RGS7: variants seen among roughly 807,000 people sequenced by gnomAD.
RGS7 encodes regulator of G-protein signaling 7.
In RGS7, 27 loss-of-function variants were observed where a neutral mutation model predicts 81.1. That is an observed-to-expected ratio of 0.33 (90% CI 0.25 to 0.46). RGS7 has a LOEUF of 0.46. Ranked by LOEUF, RGS7 falls within the 20% of genes least tolerant of loss-of-function variation. The pLI is 1.00. For missense variants in RGS7, 396 were observed against 607.4 expected (o/e 0.65, Z 3.66); for synonymous variants, 208 against 207.7 (o/e 1.00, Z -0.01).
At chr1:241,166,021 T>C (rs1043031729) in intron 2 of RGS7, among the ~76,000 whole-genome samples, 2 of 152,108 alleles carry the variant, frequency 1.3e-5, no homozygotes, top group African/African-American at 4.8e-5. Flanking sequence ...ATCTGCGTTG[T>C]AATAAGCCCT....
At chr1:240,829,133 T>C (rs956437839) in intron 9 of RGS7, among the ~76,000 whole-genome samples, 1 of 152,062 alleles carries the variant, frequency 6.6e-6, no homozygotes, top group Non-Finnish European at 1.5e-5. Context: ...AGGAAGTAAA[T>C]GAGGAAAACA....
At chr1:241,244,828 C>T (rs192161675) in intron 2 of RGS7, among the ~76,000 whole-genome samples, 1 of 152,026 alleles carries the variant, frequency 6.6e-6, no homozygotes, top group Admixed American at 6.5e-5. Context: ...AAGCTGGAAA[C>T]CATTATTCTC....
chr1:241,330,412 A>C (rs1383304922), intron 2 of RGS7, among the ~76,000 whole-genome samples: 1 of 152,254 alleles, frequency 6.6e-6, no homozygotes, highest in Non-Finnish European at 1.5e-5. Flanking sequence ...CATGTAATTA[A>C]GTAGATTTAT....
intron 2 of RGS7, among the ~76,000 whole-genome samples, chr1:241,112,493 A>G (rs1023829549): frequency 1.3e-5 from 2 of 152,238 alleles, no homozygotes; most frequent in African/African-American, 4.8e-5. Flanking sequence ...GCACTTTAAA[A>G]GGACAAAAGC....
intron 2 of RGS7, among the ~76,000 whole-genome samples, chr1:241,249,353 A>G: frequency 6.6e-6 from 1 of 150,940 alleles, no homozygotes; most frequent in Non-Finnish European, 1.5e-5. Flanking sequence ...TCCTTTCCCC[A>G]TTGAATTGTC....
At chr1:240,918,251 G>T (rs763443076) in intron 6 of RGS7, among the ~76,000 whole-genome samples, 18 of 152,078 alleles carry the variant, frequency 1.2e-4, no homozygotes, top group Non-Finnish European at 2.1e-4. Flanking sequence ...TCAATCAGCT[G>T]AATTTAATGG....
At position 240,813,733 on chromosome 1, in the gene RGS7, G is replaced by A; in HGVS notation, c.846-5C>T. On this transcript the variant is annotated splice_polypyrimidine_tract_variant and splice_region_variant and intron_variant, in intron 12 of 18. Transcript: ENST00000440928. The stretch of plus-strand genomic sequence containing the variant: ...TGTTCCGTGTAACTTAGTAGACTAA[G>A]GAGAAAAAACATTTCCAGTTTCTTT... 6.3e-7 allele frequency: 1 copy of A among 1,582,826 alleles called. No homozygotes were observed. The highest frequency in any genetic ancestry group is 8.7e-7 in the Non-Finnish European group (1 of 1,151,604).
chr1:241,085,510 C>T lies in RGS7; in HGVS notation c.175+13156G>A, dbSNP rs554957187. 9.2e-5 allele frequency among the ~76,000 whole-genome samples: 14 copies of T among 152,252 alleles called. 1 individual carries two copies. The South Asian group carries it at 2.5e-3, about 27-fold the overall frequency. On this transcript the variant is annotated intron_variant, in intron 3 of 18. Coordinates refer to ENST00000440928, the MANE Select transcript of RGS7 (RefSeq NM_001364886.1). The stretch of plus-strand genomic sequence containing the variant: ...CGTGATCTTGGCTCACTGCAACCTC[C>T]GCCTCCCAGGGTCAAGCAATTCTCC...
rs2068134104 is a variant in RGS7, at chr1:241,144,277, T to C, written c.79-45515A>G. Among the ~76,000 whole-genome samples, 1 of 152,160 alleles carries C rather than the reference T, an allele frequency of 6.6e-6. No homozygotes were observed. The highest frequency in any genetic ancestry group is 1.5e-5 in the Non-Finnish European group (1 of 68,038). ...TGCTGGCGCATATGTTGTTTATTTC[T>C]CTGCTGTTTATACCAAACTTTTCCT... On this transcript the variant is annotated intron_variant, in intron 2 of 18. Coordinates refer to ENST00000440928, the MANE Select transcript of RGS7 (RefSeq NM_001364886.1). This position sits in a 1 kb window ranked among gnomAD's most constrained non-coding sequence, Gnocchi z 4.7.
At chr1:241,082,339 G>A (rs940962995) in intron 3 of RGS7, among the ~76,000 whole-genome samples, 5 of 152,144 alleles carry the variant, frequency 3.3e-5, no homozygotes, top group African/African-American at 9.7e-5. Context: ...CACCACAAGC[G>A]ACAGCTATCT....
At chr1:241,334,321 C>T (rs1193715859) in intron 2 of RGS7, among the ~76,000 whole-genome samples, 1 of 152,124 alleles carries the variant, frequency 6.6e-6, no homozygotes, top group Non-Finnish European at 1.5e-5. Flanking sequence ...TAGCAAGATT[C>T]ATCCTCAGGC....
At chr1:241,268,121 T>C (rs2077685774) in intron 2 of RGS7, among the ~76,000 whole-genome samples, 1 of 152,188 alleles carries the variant, frequency 6.6e-6, no homozygotes, top group African/African-American at 2.4e-5. Flanking sequence ...GCTTTTTTAT[T>C]GGGACACACC....
chr1:240,892,567 T>A (rs1223648152), intron 6 of RGS7, among the ~76,000 whole-genome samples: 1 of 152,184 alleles, frequency 6.6e-6, no homozygotes, highest in Admixed American at 6.5e-5. Flanking sequence ...CTTACATATT[T>A]TAAGTTGGGC....
chr1:240,824,640 C>A (rs1048010420), intron 10 of RGS7, among the ~76,000 whole-genome samples: 4 of 152,188 alleles, frequency 2.6e-5, no homozygotes, highest in African/African-American at 9.7e-5. Flanking sequence ...AATGCAGTGG[C>A]AATCACAAGC....
At chr1:241,087,703 C>G (rs563348319) in intron 3 of RGS7, among the ~76,000 whole-genome samples, 23 of 152,074 alleles carry the variant, frequency 1.5e-4, no homozygotes, top group Non-Finnish European at 5.9e-5. Context: ...AACCCCAGCA[C>G]TTTGGGAGGC....
At chr1:240,816,667 G>T (rs1690854131) in intron 10 of RGS7, among the ~76,000 whole-genome samples, 2 of 152,190 alleles carry the variant, frequency 1.3e-5, no homozygotes, top group Admixed American at 1.3e-4. Context: ...AGAGCAAGGT[G>T]CATGTGATAA....
rs771910917 is a variant in RGS7 at position 240,868,886 on chromosome 1, G to A, written c.451-34C>T. ...CATACCCCAGGTGAAGACATTTGGT[G>A]TTCATTGTCACTGCTCTCTTCTAGC... On this transcript the variant is annotated intron_variant, in intron 7 of 18. Coordinates refer to ENST00000440928, the MANE Select transcript of RGS7 (RefSeq NM_001364886.1). The surrounding 1 kb of genome is among the most constrained non-coding windows in gnomAD (Gnocchi z 5.1). 2.5e-6 allele frequency: 4 copies of A among 1,587,278 alleles called. No homozygotes were observed. Among genetic ancestry groups the A allele is most frequent in the Non-Finnish European group, 2.6e-6 (3 of 1,155,662 alleles).
chr1:241,012,731 T>C (rs1572258174), intron 3 of RGS7, among the ~76,000 whole-genome samples: 2 of 152,274 alleles, frequency 1.3e-5, no homozygotes, highest in South Asian at 2.1e-4. Context: ...AAAATCTACA[T>C]TGGTGAAATA....
intron 2 of RGS7, among the ~76,000 whole-genome samples, chr1:241,222,051 G>A (rs2075049268): frequency 6.6e-6 from 1 of 152,134 alleles, no homozygotes; most frequent in African/African-American, 2.4e-5. Flanking sequence ...TAAGAATGAA[G>A]AAAGAATTTG....
Sources: gnomAD v4.1 joint callset for allele counts (sites outside exome capture counted in the v4.1 genomes callset) on GRCh38, gnomAD v4.1.1 for gene constraint, Gnocchi (gnomAD v3.1) non-coding constraint, MANE v1.5 for transcripts, NCBI Gene and HGNC (gene_info 2026-07-23, HGNC 2026-07-21) for gene names.